Variants in CATSPERD observed in about 807,000 individuals in gnomAD.
CATSPERD encodes cation channel sperm-associated auxiliary subunit delta.
A neutral mutation model predicts 98.1 loss-of-function variants in CATSPERD; 86 were observed. That is an observed-to-expected ratio of 0.88 (90% confidence interval 0.74 to 1.05). CATSPERD has a LOEUF of 1.05. Among genes scored for constraint, CATSPERD ranks in the 50% least tolerant of loss-of-function variants. The pLI is 0.00. For missense variants in CATSPERD, 995 were observed against 1,005.7 expected (o/e 0.99, Z 0.14); for synonymous variants, 394 against 390.2 (o/e 1.01, Z -0.12).
At chr19:5,760,682 A>C (rs2056418036) in intron 15 of CATSPERD, among the ~76,000 whole-genome samples, 1 of 152,062 alleles carries the variant, frequency 6.6e-6, no homozygotes, top group South Asian at 2.1e-4. Flanking sequence ...ATGGTTGCAC[A>C]ACTCTGTGAA....
chr19:5,733,466 TTTTC>T (rs1282109823), intron 4 of CATSPERD, among the ~76,000 whole-genome samples: 1 of 150,246 alleles, frequency 6.7e-6, no homozygotes, highest in East Asian at 2.0e-4. Flanking sequence ...TCTCTATTTC[TTTTC>T]TTTCTTTCTT....
intron 8 of CATSPERD, among the ~76,000 whole-genome samples, chr19:5,745,270 T>G (rs1189331378): frequency 6.6e-6 from 1 of 152,056 alleles, no homozygotes; most frequent in Non-Finnish European, 1.5e-5. Flanking sequence ...CATTTCAGTA[T>G]GTAATCAATA....
intron 16 of CATSPERD, 89 bp downstream of exon 16, chr19:5,763,382 TAGTGCCA>T: frequency 9.9e-7 from 1 of 1,006,076 alleles, no homozygotes; most frequent in Admixed American, 1.8e-5. Context: ...TGAGCTGAGA[TAGTGCCA>T]CTGCACTCCA....
At chr19:5,757,798 G>T in intron 13 of CATSPERD, 45 bp from the exon 14 acceptor site, 2 of 1,510,490 alleles carry the variant, frequency 1.3e-6, no homozygotes, top group Non-Finnish European at 9.1e-7. Context: ...ACCCCGTCCT[G>T]CCTGCTGGCT....
rs1314025714 is a variant in CATSPERD at position 5,776,246 on chromosome 19, C to T, written c.2027C>T (p.Ala676Val). ...TATCAGATCTTGGGCGGCCGGACAG[C>T]AAACCAGATCATTTTCGGCCACAAT... is the stretch of plus-strand genomic sequence containing the variant. ...VQYQILGGRT[A>V]NQIIFGHNGF... Residue 676 changes from alanine to valine, a missense_variant, in exon 21 of 22, where the codon GCA becomes GTA. Transcript: ENST00000381624. The T allele has an allele frequency of 6.2e-7, 1 of 1,614,214 alleles. No individual in the cohort carries two copies.
At position 5,768,241 on chromosome 19, in the gene CATSPERD, A is replaced by G. The variant is rs1302790642; in HGVS notation, c.1633A>G (p.Lys545Glu). The change falls in exon 18 of 22, where the codon AAG becomes GAG. Residue 545 changes from lysine (K) to glutamate (E), a missense_variant and splice_region_variant. Coordinates refer to ENST00000381624, the MANE Select transcript of CATSPERD (RefSeq NM_152784.4). ...LQDNYSFIIE[K>E]EFYDPGFQGQ... ...AGACAATTACAGCTTCATCATCGAG[A>G]AGTAAGCCAGCGTCCCCCCGCAACA... 6.2e-7 allele frequency: 1 copy of G among 1,611,484 alleles called. No homozygotes were observed. Among genetic ancestry groups the G allele is most frequent in the South Asian group, 1.1e-5 (1 of 90,958 alleles).
Position 5,778,554 on chromosome 19 carries a change from G to A in CATSPERD, c.2275G>A (p.Ala759Thr). ...TARGRRIKKC[A>T]TQLCRRCKTV... is the part of the protein sequence containing the mutation. Reference sequence around the variant, plus strand: ...ACGCGGCCGCAGGATCAAGAAGTGTGCGACACAGCTGTGTAGGAGATGCAA... The same window carrying A: ...ACGCGGCCGCAGGATCAAGAAGTGTACGACACAGCTGTGTAGGAGATGCAA... The change falls in exon 22 of 22, where the codon GCG becomes ACG. Residue 759 changes from alanine (A) to threonine (T), a missense_variant. Ala to Thr is a moderately conservative substitution (Grantham distance 58). Around this residue, in one of 3 missense-constraint regions of CATSPERD, gnomAD observed 762 missense variants for 773.7 expected, o/e 0.98. Coordinates refer to ENST00000381624, the MANE Select transcript of CATSPERD (RefSeq NM_152784.4). 1 of 1,613,922 alleles carries A rather than the reference G, an allele frequency of 6.2e-7. No homozygotes were observed. The highest frequency in any genetic ancestry group is 2.2e-5 in the East Asian group (1 of 44,860).
chr19:5,733,062 C>T (rs550701170), intron 4 of CATSPERD, among the ~76,000 whole-genome samples: 4 of 151,698 alleles, frequency 2.6e-5, no homozygotes, highest in Admixed American at 2.0e-4. Context: ...AGTGCAATCT[C>T]GGCTCACCGC....
rs2056488536 is a variant in CATSPERD, at chr19:5,763,847, C to CTTTTTTTTTTTTTTTTTGTTTTTTTTTT, written c.1506+571_1506+572insGTTTTTTTTTTTTTTTTTTTTTTTTTTT. On this transcript the variant is annotated intron_variant, in intron 16 of 21. Transcript: ENST00000381624. ...TGTTGGCCAGGCTGGTCTTGAACTCCTTTTTTTTTTTTTTTTTTGACATGG... is the reference window on the plus strand; with the variant it reads ...TGTTGGCCAGGCTGGTCTTGAACTCCTTTTTTTTTTTTTTTTTGTTTTTTTTTTTTTTTTTTTTTTTTTTTTGACATGG... Among the ~76,000 whole-genome samples, 2 of 62,120 alleles carry CTTTTTTTTTTTTTTTTTGTTTTTTTTTT rather than the reference C, an allele frequency of 3.2e-5. 1 individual carries two copies. 40.8% of individuals were successfully genotyped at this position (62,120 alleles called of 152,430 possible).
intron 21 of CATSPERD, among the ~76,000 whole-genome samples, chr19:5,777,779 G>A (rs1177366972): frequency 6.6e-6 from 1 of 152,098 alleles, no homozygotes; most frequent in Admixed American, 6.6e-5. Context: ...GGAGGCTGAG[G>A]CAGGAGAATC....
chr19:5,751,400 G>A (rs2056215284), intron 11 of CATSPERD, among the ~76,000 whole-genome samples: 1 of 148,934 alleles, frequency 6.7e-6, no homozygotes, highest in South Asian at 2.1e-4. Context: ...GGGTGTGGTG[G>A]CTGCGCGTCT....
rs181899246 is a variant in CATSPERD, at chr19:5,753,386, A to C, written c.1165-746A>C. On this transcript the variant is annotated intron_variant, in intron 12 of 21. Transcript: ENST00000381624. ...CCTTCCTGGCTAACAGTGAAACCCC[A>C]TCTCTACCAAAAATACAAAAAAAAA... The C allele has an allele frequency of 1.5e-3, 250 of 170,054 alleles. 1 individual carries two copies. Among genetic ancestry groups the C allele is most frequent in the African/African-American group, 5.7e-3 (237 of 41,566 alleles). The allele number at this position is 170,054 out of a possible 1,614,324, so 10.5% of individuals were successfully genotyped here. A position where few individuals can be genotyped will look rare whatever the true frequency, so the allele number is the denominator to read the frequency against.
chr19:5,767,631 C>T (rs192156884), intron 17 of CATSPERD, among the ~76,000 whole-genome samples: 2,667 of 149,778 alleles, frequency 0.018, 65 homozygotes, highest in African/African-American at 0.062. Context: ...GGACTACAGG[C>T]GCCCGCCACC....
At chr19:5,741,637 G>C (rs982515421) in intron 7 of CATSPERD, among the ~76,000 whole-genome samples, 8 of 151,914 alleles carry the variant, frequency 5.3e-5, no homozygotes, top group African/African-American at 1.9e-4. Context: ...ACCATAGCAG[G>C]AAACTGACTT....
At chr19:5,748,987 CT>C (rs1219676177) in intron 10 of CATSPERD, 113 bp from the exon 11 acceptor site, 1 of 775,784 alleles carries the variant, frequency 1.3e-6, no homozygotes, top group Non-Finnish European at 2.1e-6. Flanking sequence ...CCCTCGGCCT[CT>C]CAAAGTGTTG....
chr19:5,744,480 G>T lies in CATSPERD; in HGVS notation c.627G>T (p.Gln209His). The T allele has an allele frequency of 6.2e-7, 1 of 1,612,734 alleles. No individual in the cohort carries two copies. Among genetic ancestry groups the T allele is most frequent in the Non-Finnish European group, 8.5e-7 (1 of 1,179,102 alleles). Residue 209 changes from glutamine (Q) to histidine (H), a missense_variant, in exon 8 of 22, where the codon CAG becomes CAT. Transcript: ENST00000381624. ...TCTTCCACTTTTTTTCTTTGTCACA[G>T]GTTGCGATGCTTGTAGTGAATCAAG... ...GGIFHFFSLS[Q>H]VAMLVVNQGK... is the part of the protein sequence containing the mutation.
intron 21 of CATSPERD, among the ~76,000 whole-genome samples, chr19:5,776,702 C>A (rs372224912): frequency 6.6e-6 from 1 of 152,000 alleles, no homozygotes; most frequent in East Asian, 1.9e-4. Context: ...GGTGAAACCC[C>A]GTCTCTACTG....
chr19:5,766,253 C>T (rs934548602), intron 17 of CATSPERD, 98 bp downstream of exon 17: 136 of 809,940 alleles, frequency 1.7e-4, no homozygotes, highest in Non-Finnish European at 4.6e-5. Flanking sequence ...GAGTTCAAGA[C>T]CAGCCTGGCC....
chr19:5,744,604 TATTTA>T, intron 8 of CATSPERD, 94 bp downstream of exon 8: 1 of 859,866 alleles, frequency 1.2e-6, no homozygotes, highest in Non-Finnish European at 1.7e-6. Flanking sequence ...TTTATTTATT[TATTTA>T]ATTTTTTTTT....
Sources: gnomAD v4.1 joint callset for allele counts (sites outside exome capture counted in the v4.1 genomes callset) on GRCh38, gnomAD v4.1.1 for gene constraint, gnomAD v4.1.1 regional missense constraint, MANE v1.5 for transcripts, NCBI Gene and HGNC (gene_info 2026-07-23, HGNC 2026-07-21) for gene names.